Variants in HS6ST1 observed in about 807,000 individuals in gnomAD.
HS6ST1 encodes the protein heparan sulfate 6-O-sulfotransferase 1, also known as heparan-sulfate 6-O-sulfotransferase 1.
Under a neutral mutation model 25.2 loss-of-function variants are expected in HS6ST1, and 3 were observed. That is an observed-to-expected ratio of 0.12 (90% CI 0.05 to 0.31). The LOEUF (loss-of-function observed/expected upper bound fraction) is 0.31, where lower values mean the gene tolerates loss of function less well. HS6ST1 is among the 10% of genes least tolerant of loss of function. The pLI is 1.00. For synonymous variants in HS6ST1, 204 were observed against 275.1 expected, an observed-to-expected ratio of 0.74 and a Z score of 2.56; for missense variants, 310 against 609.6, an observed-to-expected ratio of 0.51 and a Z score of 5.18.
At chr2:128,304,737 T>C (rs1694182907) in intron 1 of HS6ST1, among the ~76,000 whole-genome samples, 1 of 152,214 alleles carries the variant, frequency 6.6e-6, no homozygotes, top group African/African-American at 2.4e-5. Context: ...CTGTGTCCCA[T>C]CAGAGTGCTC....
intron 1 of HS6ST1, among the ~76,000 whole-genome samples, chr2:128,288,428 G>C (rs1408720519): frequency 6.6e-6 from 1 of 152,176 alleles, no homozygotes; most frequent in South Asian, 2.1e-4. Context: ...GTGACTCCAT[G>C]GCAGTAGAAA....
intron 1 of HS6ST1, 24 bp from the exon 2 acceptor site, chr2:128,268,894 G>T: frequency 6.3e-7 from 1 of 1,583,430 alleles, no homozygotes; most frequent in Non-Finnish European, 8.6e-7. Flanking sequence ...GGGAGAGGAG[G>T]TGAGGGCTGT....
At chr2:128,278,602 C>T (rs923909409) in intron 1 of HS6ST1, among the ~76,000 whole-genome samples, 6 of 152,118 alleles carry the variant, frequency 3.9e-5, no homozygotes, top group Non-Finnish European at 5.9e-5. Flanking sequence ...GATGGTCCTG[C>T]GGCTCACGGA....
chr2:128,283,972 G>A (rs924080864), intron 1 of HS6ST1, among the ~76,000 whole-genome samples: 7 of 152,202 alleles, frequency 4.6e-5, no homozygotes, highest in Admixed American at 4.6e-4. Flanking sequence ...GTCAAGAAAT[G>A]GAGGCTGGGT....
intron 1 of HS6ST1, among the ~76,000 whole-genome samples, chr2:128,307,568 C>T (rs1009450547): frequency 2.6e-5 from 4 of 152,196 alleles, no homozygotes; most frequent in South Asian, 2.1e-4. Context: ...AGAACGCTTA[C>T]GAACCAATAC....
chr2:128,317,711 C>T (rs1281546154), intron 1 of HS6ST1, among the ~76,000 whole-genome samples: 1 of 152,254 alleles, frequency 6.6e-6, no homozygotes, highest in Non-Finnish European at 1.5e-5. Context: ...CCAGACCTCA[C>T]GGCGCACAGC....
chr2:128,316,471 G>C (rs949808204), intron 1 of HS6ST1, among the ~76,000 whole-genome samples: 1 of 152,210 alleles, frequency 6.6e-6, no homozygotes, highest in Non-Finnish European at 1.5e-5. Flanking sequence ...AGGGTGGGTG[G>C]GGGCATGGCT....
At chr2:128,295,209 G>A (rs1694025477) in intron 1 of HS6ST1, among the ~76,000 whole-genome samples, 1 of 152,212 alleles carries the variant, frequency 6.6e-6, no homozygotes, top group South Asian at 2.1e-4. Flanking sequence ...CCCCTGTGCT[G>A]GGCACACCCA....
intron 1 of HS6ST1, among the ~76,000 whole-genome samples, chr2:128,285,248 GTC>G (rs1188417726): frequency 6.6e-6 from 1 of 152,200 alleles, no homozygotes; most frequent in African/African-American, 2.4e-5. Context: ...TCTGGTGGAG[GTC>G]TGACTCCTCT....
intron 1 of HS6ST1, among the ~76,000 whole-genome samples, chr2:128,299,302 T>C (rs894831269): frequency 4.6e-5 from 7 of 152,242 alleles, no homozygotes; most frequent in African/African-American, 1.7e-4. Flanking sequence ...AGGCCACAGC[T>C]GCACCCTTGG....
At chr2:128,276,515 G>T (rs556078548) in intron 1 of HS6ST1, among the ~76,000 whole-genome samples, 1 of 152,278 alleles carries the variant, frequency 6.6e-6, no homozygotes, top group South Asian at 2.1e-4. Context: ...CTGGGATGGC[G>T]CTGGGTGCTC....
intron 1 of HS6ST1, among the ~76,000 whole-genome samples, chr2:128,276,782 T>C (rs1006108132): frequency 6.6e-6 from 1 of 152,044 alleles, no homozygotes; most frequent in Admixed American, 6.5e-5. Context: ...CGCCAGTCTC[T>C]ACCCTTTGCT....
intron 1 of HS6ST1, among the ~76,000 whole-genome samples, chr2:128,272,649 T>TG (rs996779350): frequency 1.1e-4 from 17 of 152,058 alleles, no homozygotes; most frequent in African/African-American, 4.1e-4. Flanking sequence ...GAGGCAGAGT[T>TG]GGGGGCCAGA....
At chr2:128,274,632 C>T (rs1210538757) in intron 1 of HS6ST1, among the ~76,000 whole-genome samples, 2 of 152,148 alleles carry the variant, frequency 1.3e-5, no homozygotes, top group African/African-American at 4.8e-5. Flanking sequence ...AGGATGTCAG[C>T]AAAACATCCC....
At chr2:128,301,760 G>C (rs1458805731) in intron 1 of HS6ST1, among the ~76,000 whole-genome samples, 1 of 152,162 alleles carries the variant, frequency 6.6e-6, no homozygotes, top group African/African-American at 2.4e-5. Flanking sequence ...ATGTGTGCTG[G>C]TTTGAAGCCT....
chr2:128,293,733 C>T lies in HS6ST1; in HGVS notation c.527+24304G>A, dbSNP rs116451852. 4.6e-3 allele frequency among the ~76,000 whole-genome samples: 705 copies of T among 152,272 alleles called. 6 individuals are homozygous for T. The highest frequency in any genetic ancestry group is 0.016 in the African/African-American group (662 of 41,536). ...GCCTCAGGTCACCAGTGAAGGAAGG[C>T]GAGTTACATTTATACCAAGCACCTG... On this transcript the variant is annotated intron_variant, in intron 1 of 1. Coordinates refer to ENST00000259241, the MANE Select transcript of HS6ST1 (RefSeq NM_004807.3).
In HS6ST1 at chr2:128,318,028, G is replaced by T. The variant is rs534608659; in HGVS notation, c.527+9C>A. 3 of 1,481,610 alleles carry T rather than the reference G, an allele frequency of 2.0e-6. No individual in the cohort carries two copies. In the East Asian group the frequency reaches 8.2e-5, roughly 40 times the overall value. The allele number at this position is 1,481,610 out of a possible 1,614,324, so 91.8% of individuals were successfully genotyped here. A position where few individuals can be genotyped will look rare whatever the true frequency, so the allele number is the denominator to read the frequency against. On this transcript the variant is annotated intron_variant, in intron 1 of 1. Transcript: ENST00000259241. The surrounding 1 kb of genome is among the most constrained non-coding windows in gnomAD (Gnocchi z 5.7). Reference sequence around the variant, plus strand: ...AGCTGCGCGAGGATCCCGCCGCCCGGGCGCTCACCTGGGCGTGCGCAGCGC... The same window carrying T: ...AGCTGCGCGAGGATCCCGCCGCCCGTGCGCTCACCTGGGCGTGCGCAGCGC...
intron 1 of HS6ST1, among the ~76,000 whole-genome samples, chr2:128,294,183 G>C (rs1465437491): frequency 6.6e-6 from 1 of 152,220 alleles, no homozygotes; most frequent in East Asian, 1.9e-4. Context: ...CTCCTCCTGA[G>C]ACCCCACATG....
chr2:128,282,832 C>A (rs928484328), intron 1 of HS6ST1, among the ~76,000 whole-genome samples: 1 of 152,216 alleles, frequency 6.6e-6, no homozygotes, highest in Admixed American at 6.5e-5. Context: ...CTGAGCGTGC[C>A]CAGGGCGCAC....
Sources: gnomAD v4.1 joint callset for allele counts (sites outside exome capture counted in the v4.1 genomes callset) on GRCh38, gnomAD v4.1.1 for gene constraint, Gnocchi (gnomAD v3.1) non-coding constraint, MANE v1.5 for transcripts, NCBI Gene and HGNC (gene_info 2026-07-23, HGNC 2026-07-21) for gene names.